The following ZEB2 variants were observed in gnomAD, a reference collection of about 807,000 sequenced individuals.
The protein encoded by ZEB2 is zinc finger E-box binding homeobox 2.
Under a neutral mutation model 99.9 loss-of-function variants are expected in ZEB2, and 6 were observed. The observed-to-expected ratio is 0.06, with a 90% CI of 0.03 to 0.12. The LOEUF (loss-of-function observed/expected upper bound fraction) is 0.12. Ranked by LOEUF, ZEB2 falls within the 10% of genes least tolerant of loss-of-function variation. ZEB2 has a pLI of 1.00. For missense variants in ZEB2, 969 were observed against 1,502.8 expected, an observed-to-expected ratio of 0.64 and a Z score of 5.87; for synonymous variants, 517 against 542.5, an observed-to-expected ratio of 0.95 and a Z score of 0.65.
chr2:144,512,009 G>A, intron 2 of ZEB2: 2 of 1,287,168 alleles, frequency 1.6e-6, no homozygotes, highest in Non-Finnish European at 2.0e-6. Flanking sequence ...GCTCTGAAAA[G>A]ACAACCAAAG....
intron 2 of ZEB2, among the ~76,000 whole-genome samples, chr2:144,431,826 G>C (rs1390543403): frequency 1.4e-5 from 2 of 146,888 alleles, no homozygotes; most frequent in East Asian, 4.2e-4. Flanking sequence ...CAGAATGCTG[G>C]GGGTAGGGGG....
chr2:144,453,389 C>T (rs1423892437), intron 2 of ZEB2, among the ~76,000 whole-genome samples: 3 of 152,192 alleles, frequency 2.0e-5, no homozygotes, highest in Admixed American at 6.5e-5. Flanking sequence ...ATGATCAAAT[C>T]ATATTCTTTG....
chr2:144,420,500 T>A (rs1476459430), intron 4 of ZEB2, among the ~76,000 whole-genome samples: 17 of 152,144 alleles, frequency 1.1e-4, no homozygotes, highest in Non-Finnish European at 1.5e-5. Context: ...ATTTTTCAGC[T>A]GAAGAAACCT....
At chr2:144,413,692 T>C (rs72858437) in intron 4 of ZEB2, among the ~76,000 whole-genome samples, 3,549 of 152,342 alleles carry the variant, frequency 0.023, 59 homozygotes, top group Non-Finnish European at 0.037. Context: ...TACTTTGTAA[T>C]AGTATGATTC....
intron 2 of ZEB2, among the ~76,000 whole-genome samples, chr2:144,509,158 T>C (rs1046402239): frequency 6.6e-6 from 1 of 152,228 alleles, no homozygotes; most frequent in Non-Finnish European, 1.5e-5. Flanking sequence ...TTTTATCTGC[T>C]GAGCGCAAGG....
intron 4 of ZEB2, among the ~76,000 whole-genome samples, chr2:144,417,575 C>T (rs1703557079): frequency 6.6e-6 from 1 of 152,178 alleles, no homozygotes; most frequent in Non-Finnish European, 1.5e-5. Context: ...CTGCAAATGA[C>T]ATGATTTCAT....
chr2:144,405,364 A>G (rs1703372501), intron 4 of ZEB2: 1 of 290,224 alleles, frequency 3.4e-6, no homozygotes, highest in East Asian at 9.3e-5. Context: ...ATCCATAAAC[A>G]TTAAAGATAA....
At chr2:144,495,245 A>G (rs897421602) in intron 2 of ZEB2, 25 of 152,182 alleles carry the variant, frequency 1.6e-4, no homozygotes, top group African/African-American at 6.0e-4. Context: ...AGAAATGAAA[A>G]CCCAGAGTGA....
At chr2:144,442,926 A>C (rs1703935398) in intron 2 of ZEB2, among the ~76,000 whole-genome samples, 1 of 152,154 alleles carries the variant, frequency 6.6e-6, no homozygotes, top group African/African-American at 2.4e-5. Context: ...CAAAATTCTC[A>C]TGTGCTGTCC....
At chr2:144,505,145 G>A (rs1376889718) in intron 2 of ZEB2, among the ~76,000 whole-genome samples, 90 of 147,276 alleles carry the variant, frequency 6.1e-4, no homozygotes, top group African/African-American at 2.1e-3. Context: ...CTCCAAGAGA[G>A]AGAAGAAAAA....
chr2:144,485,186 G>A (rs192880739), intron 2 of ZEB2, among the ~76,000 whole-genome samples: 4 of 152,272 alleles, frequency 2.6e-5, no homozygotes, highest in African/African-American at 9.6e-5. Flanking sequence ...TACCCAATGG[G>A]AAAAGTCTGT....
Position 144,388,984 on chromosome 2 carries a change from AATC to A in ZEB2, c.*464_*466del, listed in dbSNP as rs141707372. 6.0e-3 allele frequency: 2,660 copies of A among 445,076 alleles called. 65 individuals carry two copies. Among genetic ancestry groups the A allele is most frequent in the African/African-American group, 0.05 (2,445 of 48,666 alleles). 27.6% of individuals were successfully genotyped at this position (445,076 alleles called of 1,614,324 possible). A position where few individuals can be genotyped will look rare whatever the true frequency, so the allele number is the denominator to read the frequency against. The stretch of plus-strand genomic sequence containing the variant: ...GAATAGCGAAAGGAAAGTACAGAGG[AATC>A]ATAATACTGATGCATTGTAGTGCGA... On this transcript the variant is annotated 3_prime_UTR_variant, in exon 10 of 10. Coordinates refer to ENST00000627532, the MANE Select transcript of ZEB2 (RefSeq NM_014795.4). This position sits in a 1 kb window ranked among gnomAD's most constrained non-coding sequence, Gnocchi z 5.4.
At chr2:144,515,366 A>C (rs1417813048) in intron 2 of ZEB2, among the ~76,000 whole-genome samples, 1 of 152,102 alleles carries the variant, frequency 6.6e-6, no homozygotes, top group Non-Finnish European at 1.5e-5. Context: ...CATTTAATAA[A>C]AGGAACAGAG....
At chr2:144,413,504 A>G (rs1335380721) in intron 4 of ZEB2, among the ~76,000 whole-genome samples, 1 of 152,074 alleles carries the variant, frequency 6.6e-6, no homozygotes, top group Non-Finnish European at 1.5e-5. Context: ...GCCAAGCACT[A>G]CTTCTATTTT....
chr2:144,393,190 C>A lies in ZEB2; in HGVS notation c.3068-3162G>T, dbSNP rs1180428013. 2.6e-5 allele frequency among the ~76,000 whole-genome samples: 4 copies of A among 152,132 alleles called. No homozygotes were observed. The East Asian group carries it at 7.7e-4, about 29-fold the overall frequency. ...TGACAATTAATTCTGTTGAAGTCAA[C>A]ATTTACATAGTGTTTCCCTCCTCTG... On this transcript the variant is annotated intron_variant, in intron 9 of 9. Transcript: ENST00000627532.
intron 2 of ZEB2, among the ~76,000 whole-genome samples, chr2:144,454,799 T>C (rs1208721994): frequency 1.3e-5 from 2 of 152,144 alleles, no homozygotes; most frequent in Non-Finnish European, 2.9e-5. Context: ...TTTTCAAAGT[T>C]GGGAGAGAAT....
intron 2 of ZEB2, chr2:144,450,578 G>A (rs1364936932): frequency 6.6e-6 from 1 of 152,100 alleles, no homozygotes; most frequent in Non-Finnish European, 1.5e-5. Flanking sequence ...AAACAAATAC[G>A]AATTCTACTT....
At chr2:144,515,622 G>GT (rs1705120194) in intron 2 of ZEB2, among the ~76,000 whole-genome samples, 1 of 151,926 alleles carries the variant, frequency 6.6e-6, no homozygotes, top group African/African-American at 2.4e-5. Flanking sequence ...TTGTTTTTCT[G>GT]TAATACTAAG....
intron 3 of ZEB2, chr2:144,429,357 G>A (rs1212651272): frequency 9.5e-6 from 2 of 210,156 alleles, no homozygotes; most frequent in Non-Finnish European, 2.0e-5. Context: ...CAGTTATTTG[G>A]TTTGAAATGC....
Sources: gnomAD v4.1 joint callset for allele counts (sites outside exome capture counted in the v4.1 genomes callset) on GRCh38, gnomAD v4.1.1 for gene constraint, Gnocchi (gnomAD v3.1) non-coding constraint, MANE v1.5 for transcripts, NCBI Gene and HGNC (gene_info 2026-07-23, HGNC 2026-07-21) for gene names.